The following GPRC5D variants were observed in gnomAD, a reference collection of about 807,000 sequenced individuals.
GPRC5D encodes the protein G protein-coupled receptor family C group 5 member D.
GPRC5D carries 20 observed loss-of-function variants against 29.3 expected under a neutral mutation model. The ratio of observed to expected loss-of-function variants is 0.68; its 90% CI spans 0.48 to 0.99. GPRC5D has a LOEUF of 0.99. Ranked by LOEUF, GPRC5D falls within the 50% of genes least tolerant of loss-of-function variation. The probability of loss-of-function intolerance (pLI) is 0.00; values close to 1 mark genes in which losing one functional copy is unlikely to be tolerated. For missense variants in GPRC5D, 384 were observed against 423.6 expected (o/e 0.91, Z 0.82); for synonymous variants, 178 against 171.3 (o/e 1.04, Z -0.30).
At chr12:12,949,992 G>A (rs1425381932) in exon 1 of GPRC5D, 15 of 1,614,110 alleles carry the variant, frequency 9.3e-6, no homozygotes, top group Admixed American at 3.3e-5. Flanking sequence ...CAATAGCAAT[G>A]CACAGAATTG....
chr12:12,943,018 C>CTGTT (rs1369057756), intron 1 of GPRC5D, among the ~76,000 whole-genome samples: 1 of 152,154 alleles, frequency 6.6e-6, no homozygotes, highest in Non-Finnish European at 1.5e-5. Flanking sequence ...CCAGGTTGAT[C>CTGTT]TTAAACCCCT....
intron 2 of GPRC5D, 46 bp from the exon 4 acceptor site, chr12:12,940,895 A>G (rs1377788920): frequency 8.2e-7 from 1 of 1,215,244 alleles, no homozygotes; most frequent in Admixed American, 1.7e-5. Flanking sequence ...GCAACAAAAG[A>G]AATGATATTC....
At chr12:12,941,484 A>C (rs1156652625) in intron 2 of GPRC5D, among the ~76,000 whole-genome samples, 1 of 152,200 alleles carries the variant, frequency 6.6e-6, no homozygotes, top group Non-Finnish European at 1.5e-5. Flanking sequence ...TCCATGTGTC[A>C]TTCTAGGAAA....
chr12:12,944,844 TCC>T lies in GPRC5D; in HGVS notation c.896-2518_896-2517del, dbSNP rs1429621038. 6.7e-3 allele frequency among the ~76,000 whole-genome samples: 314 copies of T among 46,826 alleles called. 21 individuals are homozygous for T. The highest frequency in any genetic ancestry group is 0.015 in the African/African-American group (276 of 18,184). 30.7% of individuals were successfully genotyped at this position (46,826 alleles called of 152,430 possible). On this transcript the variant is annotated intron_variant, in intron 1 of 2. Coordinates refer to ENST00000228887, the Ensembl canonical transcript of GPRC5D. ...TTCCTTCCTTCCTTCCTTCCTTCCT[TCC>T]TTCCTTCTTTCTTTCTTTCTTTCTT...
At chr12:12,946,972 G>A (rs1347196136) in intron 1 of GPRC5D, 2 of 152,144 alleles carry the variant, frequency 1.3e-5, no homozygotes, top group African/African-American at 4.8e-5. Context: ...TGGATAGTCT[G>A]GTAAAGCACA....
At chr12:12,950,862 T>C (rs547428500), upstream of GPRC5D, among the ~76,000 whole-genome samples, 27 of 149,368 alleles carry the variant, frequency 1.8e-4, no homozygotes, top group Non-Finnish European at 2.5e-4. Context: ...CCTAGCACTT[T>C]AGGAGGCCAA....
At chr12:12,948,126 T>G (rs1863401495) in intron 1 of GPRC5D, 1 of 152,196 alleles carries the variant, frequency 6.6e-6, no homozygotes, top group Admixed American at 6.5e-5. Context: ...TCAGTGTATT[T>G]TGGTTTATTG....
intron 1 of GPRC5D, among the ~76,000 whole-genome samples, chr12:12,945,161 G>A (rs1297682091): frequency 2.0e-5 from 3 of 151,380 alleles, no homozygotes; most frequent in African/African-American, 2.4e-5. Context: ...CCGACACCAC[G>A]CCCAGCAAAT....
intron 1 of GPRC5D, among the ~76,000 whole-genome samples, chr12:12,949,088 G>A (rs1863422049): frequency 6.6e-6 from 1 of 152,132 alleles, no homozygotes. Context: ...TGCCAGGATC[G>A]GCTGTTGCAC....
chr12:12,945,249 C>T (rs1253268735), intron 1 of GPRC5D, among the ~76,000 whole-genome samples: 1 of 152,134 alleles, frequency 6.6e-6, no homozygotes, highest in Non-Finnish European at 1.5e-5. Flanking sequence ...AGGTGATCCA[C>T]CCTCCTCGGC....
exon 1 of GPRC5D, chr12:12,949,757 C>G (rs773669795): frequency 6.2e-7 from 1 of 1,614,108 alleles, no homozygotes; most frequent in Non-Finnish European, 8.5e-7. Flanking sequence ...GAGAAGAGCA[C>G]AGTGATAAAG....
upstream of GPRC5D, among the ~76,000 whole-genome samples, chr12:12,951,159 A>G (rs938611269): frequency 6.6e-6 from 1 of 152,174 alleles, no homozygotes; most frequent in Non-Finnish European, 1.5e-5. Context: ...AAGTAACGTC[A>G]AGAACCGCAA....
chr12:12,946,978 G>A (rs1863364438), intron 1 of GPRC5D: 1 of 152,162 alleles, frequency 6.6e-6, no homozygotes, highest in Admixed American at 6.5e-5. Context: ...GTCTGGTAAA[G>A]CACATAAAAC....
At chr12:12,951,732 T>C (rs1863501366), upstream of GPRC5D, among the ~76,000 whole-genome samples, 1 of 152,202 alleles carries the variant, frequency 6.6e-6, no homozygotes, top group Non-Finnish European at 1.5e-5. Context: ...TAGACACTGA[T>C]GCACTGCTTG....
At chr12:12,945,746 T>A (rs1863298458) in intron 1 of GPRC5D, among the ~76,000 whole-genome samples, 1 of 152,230 alleles carries the variant, frequency 6.6e-6, no homozygotes, top group Non-Finnish European at 1.5e-5. Flanking sequence ...ACAAATTCTT[T>A]ACCCTAATCT....
At chr12:12,946,638 A>T (rs1228244753) in intron 1 of GPRC5D, among the ~76,000 whole-genome samples, 1 of 151,842 alleles carries the variant, frequency 6.6e-6, no homozygotes, top group Non-Finnish European at 1.5e-5. Context: ...TATTTTTAAT[A>T]GAGATGGGGT....
chr12:12,952,009 T>C (rs1863509892), upstream of GPRC5D: 1 of 152,152 alleles, frequency 6.6e-6, no homozygotes, highest in Admixed American at 6.5e-5. Context: ...TGCAATTGAA[T>C]ACCCCTTAGC....
chr12:12,941,153 C>T lies in GPRC5D; in HGVS notation c.964-304G>A, dbSNP rs562598355. Among the ~76,000 whole-genome samples the T allele has an allele frequency of 6.2e-4, 94 of 152,058 alleles. 1 individual carries two copies. Among genetic ancestry groups the T allele is most frequent in the East Asian group, 5.8e-4 (3 of 5,184 alleles). On this transcript the variant is annotated intron_variant, in intron 2 of 2. Coordinates refer to ENST00000228887, the Ensembl canonical transcript of GPRC5D. ...TTTGAACACCTGACCTCAAGTGATC[C>T]GCCCACCTCACCCTCCCAAAGTGCT...
downstream of GPRC5D, among the ~76,000 whole-genome samples, chr12:12,940,601 G>A (rs1863116341): frequency 6.6e-6 from 1 of 152,178 alleles, no homozygotes; most frequent in Non-Finnish European, 1.5e-5. Flanking sequence ...TTGTAATTAT[G>A]CTCAAAATGG....
Sources: allele counts gnomAD v4.1 joint callset (sites outside exome capture counted in the v4.1 genomes callset), GRCh38; gene constraint gnomAD v4.1.1; transcripts MANE v1.5; gene names NCBI Gene and HGNC (gene_info 2026-07-23, HGNC 2026-07-21).